FAM184B: variants seen among roughly 807,000 people sequenced by gnomAD.
FAM184B encodes the protein family with sequence similarity 184 member B, also known as protein FAM184B.
Under a neutral mutation model 135.9 loss-of-function variants are expected in FAM184B, and 111 were observed. That is an observed-to-expected ratio of 0.82 (90% confidence interval 0.70 to 0.96). The LOEUF is 0.96. Among genes scored for constraint, FAM184B ranks in the 40% least tolerant of loss-of-function variants. The pLI is 0.00. For missense variants in FAM184B, 1,375 were observed against 1,323.9 expected (o/e 1.04, Z -0.60); for synonymous variants, 552 against 524.8 (o/e 1.05, Z -0.71).
Position 17,781,344 on chromosome 4 carries a change from C to G in FAM184B, c.-45G>C. 6.8e-7 allele frequency: 1 copy of G among 1,479,754 alleles called. No homozygotes were observed. Among genetic ancestry groups the G allele is most frequent in the Non-Finnish European group, 9.0e-7 (1 of 1,107,524 alleles). 91.7% of individuals were successfully genotyped at this position (1,479,754 alleles called of 1,614,324 possible). ...CTCAGACTCTCTCGTTTTCTCCCTG[C>G]CCACCGTGTGCACGTGCGTGCGCGC... On this transcript the variant is annotated 5_prime_UTR_variant, in exon 1 of 18. Coordinates refer to ENST00000265018, the MANE Select transcript of FAM184B (RefSeq NM_015688.2). The surrounding 1 kb of genome is among the most constrained non-coding windows in gnomAD (Gnocchi z 6.5).
intron 7 of FAM184B, among the ~76,000 whole-genome samples, chr4:17,680,276 G>T (rs1397101621): frequency 2.6e-5 from 4 of 152,096 alleles, no homozygotes; most frequent in Non-Finnish European, 5.9e-5. Flanking sequence ...TATTTTGAAA[G>T]CTTTTTCACA....
At chr4:17,639,897 C>T (rs7656527) in intron 13 of FAM184B, among the ~76,000 whole-genome samples, 9,741 of 151,278 alleles carry the variant, frequency 0.064, 1,080 homozygotes, top group African/African-American at 0.23. Flanking sequence ...GGCACGATCT[C>T]GGCTCACTGC....
intron 11 of FAM184B, among the ~76,000 whole-genome samples, chr4:17,650,627 C>G (rs1715589982): frequency 6.6e-6 from 1 of 152,192 alleles, no homozygotes; most frequent in Admixed American, 6.5e-5. Flanking sequence ...CATGGGGAGC[C>G]TTGGACCTGA....
At chr4:17,652,186 G>A (rs1000475658) in intron 11 of FAM184B, among the ~76,000 whole-genome samples, 16 of 134,086 alleles carry the variant, frequency 1.2e-4, no homozygotes, top group East Asian at 2.3e-4. Context: ...GTGCAGTGGC[G>A]CCATCTCGGC....
chr4:17,755,241 C>A (rs1159452454), intron 1 of FAM184B, among the ~76,000 whole-genome samples: 1 of 152,106 alleles, frequency 6.6e-6, no homozygotes, highest in African/African-American at 2.4e-5. Context: ...CAGCTATTTT[C>A]TAGGTCTTCA....
intron 1 of FAM184B, among the ~76,000 whole-genome samples, chr4:17,766,544 G>T (rs1183370050): frequency 6.6e-6 from 1 of 151,892 alleles, no homozygotes; most frequent in African/African-American, 2.4e-5. Flanking sequence ...GACACAGAGT[G>T]CTGATTGGTG....
At position 17,629,418 on chromosome 4, in the gene FAM184B, A is replaced by G. The variant is rs1029977602; in HGVS notation, c.*3114T>C. 3 of 152,202 alleles carry G rather than the reference A, an allele frequency of 2.0e-5. No individual in the cohort carries two copies. Among genetic ancestry groups the G allele is most frequent in the African/African-American group, 7.2e-5 (3 of 41,456 alleles). 9.4% of individuals were successfully genotyped at this position (152,202 alleles called of 1,614,324 possible). A position where few individuals can be genotyped will look rare whatever the true frequency, so the allele number is the denominator to read the frequency against. ...AAATTAACCAAGTAGCCTCAATCACAAATGTTGGGTTGGATATTACATCAG... is the reference window on the plus strand; with the variant it reads ...AAATTAACCAAGTAGCCTCAATCACGAATGTTGGGTTGGATATTACATCAG... On this transcript the variant is annotated 3_prime_UTR_variant, in exon 18 of 18. Coordinates refer to ENST00000265018, the MANE Select transcript of FAM184B (RefSeq NM_015688.2).
intron 10 of FAM184B, among the ~76,000 whole-genome samples, chr4:17,654,328 T>A (rs1272441572): frequency 6.6e-6 from 1 of 152,106 alleles, no homozygotes; most frequent in African/African-American, 2.4e-5. Flanking sequence ...TGGAAATTAT[T>A]ATCCCCTCAT....
chr4:17,780,449 T>A (rs1032204369), intron 1 of FAM184B, among the ~76,000 whole-genome samples: 1 of 152,150 alleles, frequency 6.6e-6, no homozygotes, highest in East Asian at 1.9e-4. Flanking sequence ...GAGCTTCTAA[T>A]TGGGGAGCTG....
chr4:17,646,688 C>G (rs961120547), intron 12 of FAM184B, among the ~76,000 whole-genome samples: 6 of 152,046 alleles, frequency 3.9e-5, no homozygotes, highest in African/African-American at 1.4e-4. Context: ...ATGTAACAAA[C>G]CTGCACATTG....
intron 7 of FAM184B, among the ~76,000 whole-genome samples, chr4:17,669,914 GC>G (rs1453736379): frequency 1.3e-5 from 2 of 152,118 alleles, no homozygotes; most frequent in Non-Finnish European, 2.9e-5. Context: ...ATATCCCAGA[GC>G]CAGGATTCAA....
chr4:17,689,683 A>C (rs1483343482), intron 6 of FAM184B, among the ~76,000 whole-genome samples: 1 of 152,028 alleles, frequency 6.6e-6, no homozygotes, highest in Non-Finnish European at 1.5e-5. Flanking sequence ...GGATCTTGCT[A>C]TGTTGCCCAG....
At position 17,693,368 on chromosome 4, in the gene FAM184B, C is replaced by G; in HGVS notation, c.1422G>C (p.Lys474Asn). 1.3e-6 allele frequency: 2 copies of G among 1,551,692 alleles called. No homozygotes were observed. The highest frequency in any genetic ancestry group is 1.7e-6 in the Non-Finnish European group (2 of 1,146,988). The change falls in exon 6 of 18, where the codon AAG becomes AAC. Residue 474 changes from lysine to asparagine, a missense_variant. Coordinates refer to ENST00000265018, the MANE Select transcript of FAM184B (RefSeq NM_015688.2). ...QLEEVRKKSE[K>N]EIKQLEEEKA... The stretch of plus-strand genomic sequence containing the variant: ...TCTCTTCTTCCAGCTGCTTTATCTC[C>G]TTTTCTGATTTCTTCCTCACTTCCT...
At chr4:17,729,189 A>C (rs6850659) in intron 1 of FAM184B, among the ~76,000 whole-genome samples, 2 of 152,198 alleles carry the variant, frequency 1.3e-5, no homozygotes, top group Non-Finnish European at 2.9e-5. Flanking sequence ...AGGTGGCAGC[A>C]ATGCTGGGGG....
intron 14 of FAM184B, among the ~76,000 whole-genome samples, chr4:17,638,903 C>T (rs6854733): frequency 0.52 from 79,550 of 152,040 alleles, 23,416 homozygotes; most frequent in East Asian, 0.88. Flanking sequence ...GGGTCCTGAT[C>T]TCCGTTCACT....
chr4:17,664,083 T>C (rs1018002964), intron 8 of FAM184B, among the ~76,000 whole-genome samples: 1 of 152,160 alleles, frequency 6.6e-6, no homozygotes, highest in Non-Finnish European at 1.5e-5. Context: ...CGACCTAATA[T>C]ACCCGCAGAG....
chr4:17,768,144 C>A (rs918214672), intron 1 of FAM184B, among the ~76,000 whole-genome samples: 1 of 152,088 alleles, frequency 6.6e-6, no homozygotes, highest in Non-Finnish European at 1.5e-5. Context: ...GTTTCTTTTT[C>A]TTTTTTTCTG....
At chr4:17,747,920 CAAAAAAA>C (rs71167333) in intron 1 of FAM184B, among the ~76,000 whole-genome samples, 20 of 21,706 alleles carry the variant, frequency 9.2e-4, no homozygotes, top group African/African-American at 3.3e-3. Flanking sequence ...GACTCTGTCT[CAAAAAAA>C]AAAAAAAAAA....
At chr4:17,696,367 T>A (rs866048032) in intron 5 of FAM184B, among the ~76,000 whole-genome samples, 8 of 152,112 alleles carry the variant, frequency 5.3e-5, no homozygotes, top group African/African-American at 1.9e-4. Flanking sequence ...GACAACAGCA[T>A]CACTAGGCTG....
Sources: allele counts gnomAD v4.1 joint callset (sites outside exome capture counted in the v4.1 genomes callset), GRCh38; gene constraint gnomAD v4.1.1; non-coding constraint Gnocchi (gnomAD v3.1); transcripts MANE v1.5; gene names NCBI Gene and HGNC (gene_info 2026-07-23, HGNC 2026-07-21).